Variants in TMCO6 observed in about 807,000 individuals in gnomAD.
TMCO6 encodes the protein transmembrane and coiled-coil domain-containing protein 6.
In TMCO6, 47 loss-of-function variants were observed where a neutral mutation model predicts 61.8. The observed-to-expected ratio is 0.76, with a 90% CI of 0.60 to 0.97. TMCO6 has a LOEUF of 0.97. Ranked by LOEUF, TMCO6 falls within the 50% of genes least tolerant of loss-of-function variation. The pLI is 0.00. For missense variants in TMCO6, 557 were observed against 601.6 expected, an observed-to-expected ratio of 0.93 and a Z score of 0.78; for synonymous variants, 261 against 254.2, an observed-to-expected ratio of 1.03 and a Z score of -0.25.
chr5:140,601,615 C>T, the TMCO6 span, among the ~76,000 whole-genome samples: 1 of 152,130 alleles, frequency 6.6e-6, no homozygotes, highest in African/African-American at 2.4e-5. Flanking sequence ...GGTGCAGTGA[C>T]ACAATCTCAG....
At chr5:140,647,691 G>A (rs1398984872), downstream of TMCO6, 9 of 1,450,044 alleles carry the variant, frequency 6.2e-6, no homozygotes, top group Admixed American at 1.6e-4. Flanking sequence ...GGCAGGGGCG[G>A]GGTAAAGCTT....
the TMCO6 span, among the ~76,000 whole-genome samples, chr5:140,608,744 G>C: frequency 1.3e-5 from 2 of 152,172 alleles, no homozygotes; most frequent in Non-Finnish European, 2.9e-5. Flanking sequence ...TTTGCCATTA[G>C]TTGAAACTAG....
the TMCO6 span, among the ~76,000 whole-genome samples, chr5:140,624,763 A>G: frequency 2.0e-5 from 3 of 150,668 alleles, no homozygotes; most frequent in Non-Finnish European, 4.4e-5. Flanking sequence ...CCTGACCTCA[A>G]GTGATCCACC....
chr5:140,633,186 G>T, the TMCO6 span: 1 of 1,341,186 alleles, frequency 7.5e-7, no homozygotes, highest in Non-Finnish European at 1.0e-6. Context: ...GAACTCTTCG[G>T]CTGCCTCTGA....
In TMCO6 at chr5:140,642,964, A is replaced by T. The variant is rs747018575; in HGVS notation, c.729A>T (p.Gln243His). The T allele has an allele frequency of 6.2e-7, 1 of 1,614,080 alleles. No individual in the cohort carries two copies. Among genetic ancestry groups the T allele is most frequent in the Non-Finnish European group, 8.5e-7 (1 of 1,180,014 alleles). Residue 243 changes from glutamine to histidine, a missense_variant, in exon 7 of 12, where the codon CAA becomes CAT. Coordinates refer to ENST00000394671, the MANE Select transcript of TMCO6 (RefSeq NM_018502.5). ...LASTLPQHML[Q>H]MLQPGPKLNP... is the part of the protein sequence containing the mutation. ...CCACTCTCCCTCAGCACATGCTACA[A>T]ATGTTGCAACCTGGCCCAAAGCTCA...
At chr5:140,600,779 A>T in the TMCO6 span, among the ~76,000 whole-genome samples, 1 of 152,048 alleles carries the variant, frequency 6.6e-6, no homozygotes, top group Non-Finnish European at 1.5e-5. Flanking sequence ...GGGTGAATTT[A>T]TGTGCCTTCT....
At chr5:140,604,999 G>A in the TMCO6 span, among the ~76,000 whole-genome samples, 1 of 151,900 alleles carries the variant, frequency 6.6e-6, no homozygotes, top group Non-Finnish European at 1.5e-5. Flanking sequence ...ATTTATTTAG[G>A]TCTTCTTTAA....
Position 140,639,571 on chromosome 5 carries a change from G to T in TMCO6, c.44G>T (p.Gly15Val), listed in dbSNP as rs1274844319. 1 of 1,546,912 alleles carries T rather than the reference G, an allele frequency of 6.5e-7. No individual in the cohort carries two copies. Among genetic ancestry groups the T allele is most frequent in the Admixed American group, 2.0e-5 (1 of 49,934 alleles). The part of the protein sequence containing the change: ...RQGRLRPTVC[G>V]VEELRRRRRE... ...GGCCGCCTCAGGCCCACGGTCTGCG[G>T]GGTGGAGGAGCTACGGCGCCGCCGG... The change falls in exon 1 of 12, where the codon GGG (glycine) becomes GTG (valine). Residue 15 changes from glycine (G) to valine (V), a missense_variant. Physicochemically the swap from Gly to Val is moderately radical, Grantham distance 109. Transcript: ENST00000394671.
chr5:140,647,196 T>C, downstream of TMCO6: 1 of 1,502,864 alleles, frequency 6.7e-7, no homozygotes, highest in Non-Finnish European at 8.9e-7. Flanking sequence ...GGCGGTCCCT[T>C]CTCTTCTCAA....
the TMCO6 span, among the ~76,000 whole-genome samples, chr5:140,597,828 G>A: frequency 6.6e-6 from 1 of 152,148 alleles, no homozygotes; most frequent in Non-Finnish European, 1.5e-5. Context: ...GATGGGTTGA[G>A]GGCACAACTT....
chr5:140,634,216 C>T, the TMCO6 span, among the ~76,000 whole-genome samples: 1 of 152,152 alleles, frequency 6.6e-6, no homozygotes, highest in African/African-American at 2.4e-5. Context: ...TTCCCACTTG[C>T]ACGTTGCTCT....
At chr5:140,647,434 G>T, downstream of TMCO6, 1 of 1,608,586 alleles carries the variant, frequency 6.2e-7, no homozygotes, top group Non-Finnish European at 8.5e-7. Flanking sequence ...GGTCGAGGTC[G>T]TGACCCTGGC....
At chr5:140,622,724 CAAAAAAA>C in the TMCO6 span, among the ~76,000 whole-genome samples, 1 of 105,816 alleles carries the variant, frequency 9.5e-6, no homozygotes, top group Admixed American at 1.0e-4. Context: ...GCTTTAGCTA[CAAAAAAA>C]AAAAAAAAAA....
In TMCO6 at chr5:140,643,949, T is replaced by TC. The variant is rs1561955561; in HGVS notation, c.1090dup (p.Leu364ProfsTer10). The TC allele has an allele frequency of 6.2e-7, 1 of 1,614,150 alleles. No homozygotes were observed. The highest frequency in any genetic ancestry group is 2.2e-5 in the East Asian group (1 of 44,886). On this transcript the variant is annotated frameshift_variant, in exon 9 of 12. Transcript: ENST00000394671. LOFTEE classifies it high-confidence loss of function. ...AGTCTGCTCCCTGAGGGCCTTTGGC[T>TC]CCTCAACAACCTCACTGGTACGCAC...
chr5:140,616,512 T>C, the TMCO6 span, among the ~76,000 whole-genome samples: 6 of 151,496 alleles, frequency 4.0e-5, no homozygotes, highest in African/African-American at 1.5e-4. Context: ...CAGTGAGCTA[T>C]GATCACGCCA....
the TMCO6 span, among the ~76,000 whole-genome samples, chr5:140,599,031 A>T: frequency 2.0e-5 from 3 of 152,200 alleles, no homozygotes; most frequent in Non-Finnish European, 4.4e-5. Context: ...AATGTAATCT[A>T]TCTACCAGCT....
At chr5:140,629,321 A>T in the TMCO6 span, among the ~76,000 whole-genome samples, 1 of 152,016 alleles carries the variant, frequency 6.6e-6, no homozygotes, top group African/African-American at 2.4e-5. Flanking sequence ...AATAATAATA[A>T]TAAATAAATA....
intron 6 of TMCO6, 53 bp downstream of exon 6, chr5:140,642,724 T>G: frequency 6.3e-7 from 1 of 1,594,928 alleles, no homozygotes; most frequent in South Asian, 1.1e-5. Flanking sequence ...CTCAGTAGTA[T>G]AGCTCCCGGA....
chr5:140,636,877 G>A (rs1756782351), upstream of TMCO6, among the ~76,000 whole-genome samples: 1 of 152,118 alleles, frequency 6.6e-6, no homozygotes, highest in African/African-American at 2.4e-5. Flanking sequence ...AAAAATTAGA[G>A]GTTTCCTGTA....
Sources: gnomAD v4.1 joint callset for allele counts (sites outside exome capture counted in the v4.1 genomes callset) on GRCh38, gnomAD v4.1.1 for gene constraint, MANE v1.5 for transcripts, NCBI Gene and HGNC (gene_info 2026-07-23, HGNC 2026-07-21) for gene names.